SLC2A13: variants seen among roughly 807,000 people sequenced by gnomAD.
The protein encoded by SLC2A13 is solute carrier family 2 member 13, also known as proton myo-inositol cotransporter.
A neutral mutation model predicts 64.4 loss-of-function variants in SLC2A13; 32 were observed. The observed-to-expected ratio is 0.50, with a 90% CI of 0.37 to 0.67. The LOEUF (loss-of-function observed/expected upper bound fraction) is 0.67, where lower values mean the gene tolerates loss of function less well. Among genes scored for constraint, SLC2A13 ranks in the 30% least tolerant of loss-of-function variants. The pLI, the probability that SLC2A13 is intolerant of heterozygous loss-of-function variation, is 0.00. For synonymous variants in SLC2A13, 338 were observed against 327.1 expected (o/e 1.03, Z -0.36); for missense variants, 743 against 829.2 (o/e 0.90, Z 1.28).
At chr12:39,995,080 A>G (rs1947204686) in intron 3 of SLC2A13, among the ~76,000 whole-genome samples, 3 of 152,230 alleles carry the variant, frequency 2.0e-5, no homozygotes. Flanking sequence ...AGTATGAGAA[A>G]GCATGATGCT....
In SLC2A13 at chr12:40,105,342, G is replaced by A. The variant is rs1374014927; in HGVS notation, c.467C>T (p.Ala156Val). 1.6e-5 allele frequency: 25 copies of A among 1,594,764 alleles called. No individual in the cohort carries two copies. Among genetic ancestry groups the A allele is most frequent in the Non-Finnish European group, 2.0e-5 (23 of 1,172,160 alleles). ...GRRAAILLAS[A>V]LFTAGSAVLA... ...CACCGCGGAGCCGGCGGTGAAGAGGGCACTGGCCAGGAGGATGGCAGCGCG... is the reference window on the plus strand; with the variant it reads ...CACCGCGGAGCCGGCGGTGAAGAGGACACTGGCCAGGAGGATGGCAGCGCG... The change falls in exon 1 of 10, where the codon GCC becomes GTC. Residue 156 changes from alanine to valine, a missense_variant. Around this residue, in one of 2 missense-constraint regions of SLC2A13, gnomAD observed 448 missense variants for 447.4 expected, o/e 1.00. Transcript: ENST00000280871. This position sits in a 1 kb window ranked among gnomAD's most constrained non-coding sequence, Gnocchi z 4.2.
intron 4 of SLC2A13, among the ~76,000 whole-genome samples, chr12:39,929,649 C>A (rs1945790030): frequency 6.6e-6 from 1 of 151,974 alleles, no homozygotes; most frequent in Non-Finnish European, 1.5e-5. Context: ...AGGGGGCAAC[C>A]AGATGGGAGA....
At chr12:39,917,505 G>A (rs1300568158) in intron 4 of SLC2A13, among the ~76,000 whole-genome samples, 1 of 152,022 alleles carries the variant, frequency 6.6e-6, no homozygotes, top group Non-Finnish European at 1.5e-5. Context: ...GAATTTGTGG[G>A]CTCAGTAAGG....
rs1945675562 is a variant in SLC2A13, at chr12:39,924,288, T to C, written c.1034+26969A>G. Among the ~76,000 whole-genome samples, 4 of 152,280 alleles carry C rather than the reference T, an allele frequency of 2.6e-5. No individual in the cohort carries two copies. The South Asian group carries it at 8.3e-4, about 32-fold the overall frequency. On this transcript the variant is annotated intron_variant, in intron 4 of 9. Coordinates refer to ENST00000280871, the MANE Select transcript of SLC2A13 (RefSeq NM_052885.4). ...AGATACACAGGTTGTTGTCTTTTTT[T>C]AATGTCAGGAAGATATGTGGGAAGC...
chr12:40,017,141 A>G (rs1185592187), intron 3 of SLC2A13, among the ~76,000 whole-genome samples: 1 of 152,212 alleles, frequency 6.6e-6, no homozygotes, highest in Non-Finnish European at 1.5e-5. Flanking sequence ...CAAAGATCAG[A>G]CATCACCATC....
chr12:40,102,128 CTG>C (rs902792165), intron 1 of SLC2A13, among the ~76,000 whole-genome samples: 5 of 152,312 alleles, frequency 3.3e-5, no homozygotes, highest in Non-Finnish European at 7.4e-5. Context: ...ACTTACTCTT[CTG>C]TGTGTCATCT....
At chr12:40,073,571 C>T (rs1271920008) in intron 1 of SLC2A13, among the ~76,000 whole-genome samples, 1 of 151,958 alleles carries the variant, frequency 6.6e-6, no homozygotes, top group African/African-American at 2.4e-5. Context: ...TCTTGCATGG[C>T]AAGTCTACTG....
chr12:39,919,177 C>T (rs974342820), intron 4 of SLC2A13, among the ~76,000 whole-genome samples: 1 of 151,996 alleles, frequency 6.6e-6, no homozygotes, highest in Non-Finnish European at 1.5e-5. Flanking sequence ...AACTCCTGGG[C>T]CTCGGTCTCC....
chr12:39,791,033 T>C (rs1941382982), intron 7 of SLC2A13, among the ~76,000 whole-genome samples: 1 of 121,024 alleles, frequency 8.3e-6, no homozygotes, highest in Non-Finnish European at 1.7e-5. Flanking sequence ...GAGAAGTGTC[T>C]GTTCATGTCC....
intron 5 of SLC2A13, among the ~76,000 whole-genome samples, chr12:39,866,244 T>C (rs966122826): frequency 6.6e-6 from 1 of 152,098 alleles, no homozygotes; most frequent in Admixed American, 6.6e-5. Flanking sequence ...TATATAATAG[T>C]TGAGATGTTT....
intron 3 of SLC2A13, among the ~76,000 whole-genome samples, chr12:39,998,142 T>C (rs28740218): frequency 0.013 from 1,899 of 151,824 alleles, 43 homozygotes; most frequent in African/African-American, 0.044. Context: ...AATCAGCGAG[T>C]GGATAAAGAA....
chr12:40,055,952 C>A (rs1010842427), intron 1 of SLC2A13, among the ~76,000 whole-genome samples: 2 of 149,988 alleles, frequency 1.3e-5, no homozygotes, highest in Non-Finnish European at 3.0e-5. Flanking sequence ...TGCATAACAA[C>A]TAAGGTACAA....
At chr12:39,864,189 T>C (rs936953554) in intron 6 of SLC2A13, among the ~76,000 whole-genome samples, 1 of 152,230 alleles carries the variant, frequency 6.6e-6, no homozygotes, top group African/African-American at 2.4e-5. Context: ...GTGTACACTG[T>C]TAGATTTAAT....
At chr12:39,811,126 T>C (rs1425399485) in intron 7 of SLC2A13, among the ~76,000 whole-genome samples, 1 of 152,096 alleles carries the variant, frequency 6.6e-6, no homozygotes, top group Non-Finnish European at 1.5e-5. Context: ...TGGAAATATG[T>C]GTCACCAGGA....
At chr12:39,889,877 C>T (rs1213950828) in intron 4 of SLC2A13, among the ~76,000 whole-genome samples, 1 of 151,984 alleles carries the variant, frequency 6.6e-6, no homozygotes, top group African/African-American at 2.4e-5. Context: ...TTTTATTATC[C>T]AATATTTACA....
intron 1 of SLC2A13, among the ~76,000 whole-genome samples, chr12:40,068,821 A>C (rs546374589): frequency 4.0e-5 from 6 of 151,666 alleles, no homozygotes; most frequent in East Asian, 1.9e-4. Context: ...ACTTAATATG[A>C]GATCTCTTGT....
chr12:39,966,386 A>T (rs1946516887), intron 3 of SLC2A13, among the ~76,000 whole-genome samples: 1 of 152,028 alleles, frequency 6.6e-6, no homozygotes, highest in African/African-American at 2.4e-5. Flanking sequence ...TTCCTGCAAC[A>T]ATTCTGTTCC....
intron 4 of SLC2A13, among the ~76,000 whole-genome samples, chr12:39,900,413 T>C (rs542523920): frequency 1.0e-3 from 157 of 152,246 alleles, no homozygotes; most frequent in South Asian, 4.8e-3. Context: ...TGTTTGCAGA[T>C]GACATGATCG....
At chr12:39,969,670 G>T (rs1473232959) in intron 3 of SLC2A13, among the ~76,000 whole-genome samples, 6 of 152,056 alleles carry the variant, frequency 3.9e-5, no homozygotes, top group African/African-American at 1.4e-4. Flanking sequence ...TTGTAAATTT[G>T]TTGGAGTTCA....
Sources: gnomAD v4.1 joint callset for allele counts (sites outside exome capture counted in the v4.1 genomes callset) on GRCh38, gnomAD v4.1.1 for gene constraint, gnomAD v4.1.1 regional missense constraint, Gnocchi (gnomAD v3.1) non-coding constraint, MANE v1.5 for transcripts, NCBI Gene and HGNC (gene_info 2026-07-23, HGNC 2026-07-21) for gene names.